Variants in CDC42SE2 observed in about 807,000 individuals in gnomAD.
CDC42SE2 encodes CDC42 small effector protein 2.
CDC42SE2 carries 3 observed loss-of-function variants against 11.5 expected under a neutral mutation model. That is an observed-to-expected ratio of 0.26 (90% CI 0.12 to 0.67). The LOEUF (loss-of-function observed/expected upper bound fraction) is 0.67, where lower values mean the gene tolerates loss of function less well. Ranked by LOEUF, CDC42SE2 falls within the 30% of genes least tolerant of loss-of-function variation. The probability of loss-of-function intolerance (pLI) is 0.80; values close to 1 mark genes in which losing one functional copy is unlikely to be tolerated. For synonymous variants in CDC42SE2, 33 were observed against 34.8 expected (o/e 0.95, Z 0.18); for missense variants, 82 against 106.8 (o/e 0.77, Z 1.02).
chr5:131,310,430 T>G (rs2149723702), intron 1 of CDC42SE2, among the ~76,000 whole-genome samples: 1 of 152,154 alleles, frequency 6.6e-6, no homozygotes, highest in South Asian at 2.1e-4. Context: ...TCTGTTGATT[T>G]GGGGTGGAGA....
chr5:131,362,904 T>C (rs1400100000), intron 3 of CDC42SE2, among the ~76,000 whole-genome samples: 1 of 152,152 alleles, frequency 6.6e-6, no homozygotes, highest in Non-Finnish European at 1.5e-5. Flanking sequence ...CCTAGCACTT[T>C]GAGAGGCCAA....
upstream of CDC42SE2, among the ~76,000 whole-genome samples, chr5:131,242,329 A>G (rs1451113826): frequency 6.6e-6 from 1 of 152,200 alleles, no homozygotes; most frequent in African/African-American, 2.4e-5. Flanking sequence ...TAAATTGAAC[A>G]AAAGCGAGTC....
At chr5:131,255,735 GGGT>G (rs1756674636) in intron 2 of CDC42SE2, among the ~76,000 whole-genome samples, 4 of 152,158 alleles carry the variant, frequency 2.6e-5, no homozygotes, top group Admixed American at 6.5e-5. Flanking sequence ...ACTCCAGCCT[GGGT>G]GACAGAGCAA....
At chr5:131,239,795 T>A in the CDC42SE2 span, among the ~76,000 whole-genome samples, 2 of 152,208 alleles carry the variant, frequency 1.3e-5, no homozygotes, top group Non-Finnish European at 2.9e-5. Context: ...TAACTTTAAG[T>A]CTGGTTTCTC....
rs1750793335 is a variant in CDC42SE2, at chr5:131,394,493, T to G, written c.*3402T>G. 1.3e-5 allele frequency: 2 copies of G among 152,374 alleles called. No homozygotes were observed. Among genetic ancestry groups the G allele is most frequent in the Admixed American group, 1.3e-4 (2 of 15,278 alleles). 9.4% of individuals were successfully genotyped at this position (152,374 alleles called of 1,614,324 possible). On this transcript the variant is annotated 3_prime_UTR_variant, in exon 5 of 5. Coordinates refer to ENST00000505065, the MANE Select transcript of CDC42SE2 (RefSeq NM_001375635.1). ...ATTATAGAGAACAAGTTTGCCTTGA[T>G]TTTGTTTAAAATGACTTCTGCTAAG...
At chr5:131,340,832 C>T (rs1758695146) in intron 2 of CDC42SE2, among the ~76,000 whole-genome samples, 1 of 152,042 alleles carries the variant, frequency 6.6e-6, no homozygotes, top group East Asian at 1.9e-4. Context: ...CATGTACCAC[C>T]ATGTCTGGTT....
intron 1 of CDC42SE2, among the ~76,000 whole-genome samples, chr5:131,298,556 A>G (rs936467294): frequency 6.6e-6 from 1 of 151,702 alleles, no homozygotes; most frequent in Non-Finnish European, 1.5e-5. Flanking sequence ...GTGACTGTGA[A>G]TTCACCACTT....
intron 2 of CDC42SE2, among the ~76,000 whole-genome samples, chr5:131,326,262 G>A (rs1033363871): frequency 3.9e-5 from 6 of 152,018 alleles, no homozygotes; most frequent in African/African-American, 7.2e-5. Context: ...CTGCCACTGC[G>A]CCTGCTAATT....
chr5:131,214,359 A>G, the CDC42SE2 span, among the ~76,000 whole-genome samples: 1 of 152,210 alleles, frequency 6.6e-6, no homozygotes, highest in Non-Finnish European at 1.5e-5. Context: ...TGGGCAACAC[A>G]GTGAGACCAT....
chr5:131,265,879 C>G (rs1756848161), intron 1 of CDC42SE2, among the ~76,000 whole-genome samples: 1 of 152,152 alleles, frequency 6.6e-6, no homozygotes, highest in African/African-American at 2.4e-5. Context: ...TAATGTACTT[C>G]TGGTCCTGTT....
chr5:131,217,610 A>G, the CDC42SE2 span, among the ~76,000 whole-genome samples: 4 of 152,216 alleles, frequency 2.6e-5, no homozygotes, highest in Non-Finnish European at 1.5e-5. Context: ...AGAGAAAACA[A>G]TAAAACTTTT....
At chr5:131,320,054 GAAAAAAAAAA>G (rs763857152) in intron 2 of CDC42SE2, among the ~76,000 whole-genome samples, 73 of 62,792 alleles carry the variant, frequency 1.2e-3, no homozygotes, top group South Asian at 2.7e-3. Context: ...CCGTCTTAAA[GAAAAAAAAAA>G]AAAAAAAAAA....
intron 1 of CDC42SE2, among the ~76,000 whole-genome samples, chr5:131,309,580 C>T (rs1757856191): frequency 6.6e-6 from 1 of 151,536 alleles, no homozygotes; most frequent in African/African-American, 2.4e-5. Flanking sequence ...TGGTCCTGGA[C>T]TCTTTTTGTT....
intron 1 of CDC42SE2, among the ~76,000 whole-genome samples, chr5:131,292,906 C>CAAAAAAAAAA (rs869300653): frequency 1.5e-4 from 9 of 58,900 alleles, no homozygotes; most frequent in African/African-American, 9.1e-4. Flanking sequence ...GACCCTGTCT[C>CAAAAAAAAAA]AAAAAAAAAA....
At chr5:131,217,395 T>C in the CDC42SE2 span, among the ~76,000 whole-genome samples, 2 of 152,212 alleles carry the variant, frequency 1.3e-5, no homozygotes, top group African/African-American at 4.8e-5. Flanking sequence ...ATTCCAAATT[T>C]GGCACATAAT....
intron 2 of CDC42SE2, among the ~76,000 whole-genome samples, chr5:131,344,676 G>A (rs1266561348): frequency 1.3e-5 from 2 of 152,168 alleles, no homozygotes; most frequent in Non-Finnish European, 2.9e-5. Flanking sequence ...CGGAGTTTCA[G>A]ATCTGAGAAT....
rs146306282 is a variant in CDC42SE2, at chr5:131,257,887, C to T, written n.242+2658C>T. On this transcript the variant is annotated intron_variant and non_coding_transcript_variant, in intron 2 of 3. Coordinates refer to the CDC42SE2 transcript ENST00000502840. ...CCTGGTGAACCAAAGAGATGGGAGA[C>T]CCCCTGGTGCTTGCTGAATGGCTTC... Among the ~76,000 whole-genome samples the T allele has an allele frequency of 3.9e-5, 6 of 152,292 alleles. No homozygotes were observed. The East Asian group carries it at 1.2e-3, about 29-fold the overall frequency.
chr5:131,303,825 A>G (rs940548040), intron 1 of CDC42SE2, among the ~76,000 whole-genome samples: 1 of 152,238 alleles, frequency 6.6e-6, no homozygotes, highest in Non-Finnish European at 1.5e-5. Flanking sequence ...GTATTTAGAC[A>G]CAGCATGGAT....
At chr5:131,324,623 A>C (rs570314299) in intron 2 of CDC42SE2, among the ~76,000 whole-genome samples, 1 of 152,278 alleles carries the variant, frequency 6.6e-6, no homozygotes, top group Non-Finnish European at 1.5e-5. Flanking sequence ...AATATAAAGC[A>C]TGTAGTAAAA....
Sources: allele counts gnomAD v4.1 joint callset (sites outside exome capture counted in the v4.1 genomes callset), GRCh38; gene constraint gnomAD v4.1.1; transcripts MANE v1.5; gene names NCBI Gene and HGNC (gene_info 2026-07-23, HGNC 2026-07-21).